PTPRD: variants seen among roughly 807,000 people sequenced by gnomAD.
The protein encoded by PTPRD is protein tyrosine phosphatase receptor type D.
In PTPRD, 34 loss-of-function variants were observed where a neutral mutation model predicts 214.5. The observed-to-expected ratio is 0.16, with a 90% CI of 0.12 to 0.21. The LOEUF (loss-of-function observed/expected upper bound fraction) is 0.21. PTPRD is among the 10% of genes least tolerant of loss of function. The probability of loss-of-function intolerance (pLI) is 1.00; values close to 1 mark genes in which losing one functional copy is unlikely to be tolerated. For synonymous variants in PTPRD, 1,128 were observed against 845.7 expected, an observed-to-expected ratio of 1.33 and a Z score of -5.79; for missense variants, 2,545 against 2,398.7, an observed-to-expected ratio of 1.06 and a Z score of -1.27.
chr9:8,914,368 T>G (rs1373071832), intron 11 of PTPRD, among the ~76,000 whole-genome samples: 1 of 152,140 alleles, frequency 6.6e-6, no homozygotes, highest in Non-Finnish European at 1.5e-5. Flanking sequence ...TTTGTTCTGT[T>G]TTGCCATTTG....
chr9:9,396,251 C>T lies in PTPRD; in HGVS notation c.-203+1198G>A, dbSNP rs116652683. Among the ~76,000 whole-genome samples, 916 of 151,994 alleles carry T rather than the reference C, an allele frequency of 6.0e-3. 10 individuals carry two copies. The highest frequency in any genetic ancestry group is 0.021 in the African/African-American group (863 of 41,490). ...TCTTGATTGAAGTCCCTTGGGGAGCCGTCAAAGGAACAGAGTTATTTATAT... is the reference window on the plus strand; with the variant it reads ...TCTTGATTGAAGTCCCTTGGGGAGCTGTCAAAGGAACAGAGTTATTTATAT... On this transcript the variant is annotated intron_variant, in intron 9 of 45. Transcript: ENST00000381196.
chr9:10,538,182 A>G (rs1014837118), intron 2 of PTPRD, among the ~76,000 whole-genome samples: 4 of 151,766 alleles, frequency 2.6e-5, no homozygotes, highest in Non-Finnish European at 4.4e-5. Context: ...TGTTTGGCTT[A>G]TCCATCCTTG....
At position 9,280,581 on chromosome 9, in the gene PTPRD, A is replaced by G. The variant is rs993400764; in HGVS notation, c.-202-97218T>C. Among the ~76,000 whole-genome samples the G allele has an allele frequency of 4.0e-5, 6 of 151,456 alleles. No homozygotes were observed. The East Asian group carries it at 1.2e-3, about 30-fold the overall frequency. On this transcript the variant is annotated intron_variant, in intron 9 of 45. Coordinates refer to ENST00000381196, the MANE Select transcript of PTPRD (RefSeq NM_002839.4). Reference sequence around the variant, plus strand: ...AGCATAAATCTAACAAAATATGTATAAGATCCATATCAGGAAAACTATAAA... The same window carrying G: ...AGCATAAATCTAACAAAATATGTATGAGATCCATATCAGGAAAACTATAAA...
At chr9:9,949,541 C>T (rs1371037224) in intron 4 of PTPRD, among the ~76,000 whole-genome samples, 1 of 152,018 alleles carries the variant, frequency 6.6e-6, no homozygotes, top group Non-Finnish European at 1.5e-5. Flanking sequence ...TTTATTTTCC[C>T]AGGGATAATG....
At chr9:9,796,340 C>T (rs2099002281) in intron 5 of PTPRD, among the ~76,000 whole-genome samples, 1 of 151,988 alleles carries the variant, frequency 6.6e-6, no homozygotes, top group Non-Finnish European at 1.5e-5. Context: ...GAAAAGGATT[C>T]AAGGTTTGCA....
intron 5 of PTPRD, among the ~76,000 whole-genome samples, chr9:9,902,688 G>A (rs1020993354): frequency 6.6e-6 from 1 of 152,184 alleles, no homozygotes; most frequent in Admixed American, 6.6e-5. Context: ...AAAATCATGG[G>A]GTGATGATGA....
chr9:8,748,554 A>G (rs1240545638), intron 11 of PTPRD, among the ~76,000 whole-genome samples: 1 of 151,122 alleles, frequency 6.6e-6, no homozygotes, highest in Non-Finnish European at 1.5e-5. Context: ...AAAGAAAAAG[A>G]AAAAGAAAAT....
At chr9:10,062,668 T>C (rs2097795615) in intron 3 of PTPRD, among the ~76,000 whole-genome samples, 1 of 151,956 alleles carries the variant, frequency 6.6e-6, no homozygotes, top group Non-Finnish European at 1.5e-5. Flanking sequence ...AAGTAGCCGA[T>C]AGCACTTAGG....
At chr9:10,047,475 A>G (rs2097428002) in intron 3 of PTPRD, among the ~76,000 whole-genome samples, 1 of 151,976 alleles carries the variant, frequency 6.6e-6, no homozygotes, top group African/African-American at 2.4e-5. Flanking sequence ...AAAATTCTGA[A>G]GAGCAAATCA....
intron 4 of PTPRD, among the ~76,000 whole-genome samples, chr9:9,944,326 T>C: frequency 6.6e-6 from 1 of 152,160 alleles, no homozygotes; most frequent in East Asian, 1.9e-4. Flanking sequence ...AGCTGACAAC[T>C]CGATACAACA....
At chr9:9,223,628 C>T (rs1046317541) in intron 9 of PTPRD, among the ~76,000 whole-genome samples, 4 of 151,918 alleles carry the variant, frequency 2.6e-5, no homozygotes, top group African/African-American at 9.7e-5. Context: ...GAACATCTCT[C>T]TATGAAAGTA....
intron 7 of PTPRD, among the ~76,000 whole-genome samples, chr9:9,662,968 C>T (rs371080405): frequency 4.0e-5 from 6 of 151,436 alleles, no homozygotes; most frequent in African/African-American, 9.7e-5. Flanking sequence ...CAGTTGGGCT[C>T]ACTATTTTTC....
chr9:10,565,834 A>C (rs2065428034), intron 2 of PTPRD, among the ~76,000 whole-genome samples: 1 of 151,942 alleles, frequency 6.6e-6, no homozygotes, highest in Admixed American at 6.6e-5. Flanking sequence ...AATACAATAC[A>C]TATACATGCA....
At chr9:9,645,541 C>A (rs1428579408) in intron 7 of PTPRD, among the ~76,000 whole-genome samples, 3 of 150,830 alleles carry the variant, frequency 2.0e-5, no homozygotes, top group African/African-American at 7.3e-5. Flanking sequence ...AACTTCTCAG[C>A]ATTCTAGCTT....
chr9:9,235,754 T>C (rs903510671), intron 9 of PTPRD, among the ~76,000 whole-genome samples: 5 of 152,208 alleles, frequency 3.3e-5, no homozygotes, highest in African/African-American at 9.6e-5. Flanking sequence ...TTGTCAAGAA[T>C]GTAAAGTAAA....
intron 12 of PTPRD, among the ~76,000 whole-genome samples, chr9:8,683,719 T>G (rs73425489): frequency 7.2e-5 from 11 of 152,146 alleles, no homozygotes; most frequent in African/African-American, 2.2e-4. Context: ...GCACTGGCCA[T>G]AGAGTATGCT....
intron 7 of PTPRD, among the ~76,000 whole-genome samples, chr9:9,724,989 C>G (rs1461671654): frequency 6.6e-6 from 1 of 152,168 alleles, no homozygotes; most frequent in Non-Finnish European, 1.5e-5. Context: ...TCCCTTCCTG[C>G]ATTCCCTACT....
chr9:10,240,609 G>T (rs756896192), intron 3 of PTPRD, among the ~76,000 whole-genome samples: 4 of 151,872 alleles, frequency 2.6e-5, no homozygotes, highest in Non-Finnish European at 4.4e-5. Flanking sequence ...ATTTTAAGAA[G>T]TGTATAAAAA....
At chr9:10,023,113 G>C (rs1337975370) in intron 4 of PTPRD, among the ~76,000 whole-genome samples, 1 of 151,630 alleles carries the variant, frequency 6.6e-6, no homozygotes, top group Non-Finnish European at 1.5e-5. Flanking sequence ...TTGACACATT[G>C]ATTATAAGCA....
Sources: gnomAD v4.1 joint callset for allele counts (sites outside exome capture counted in the v4.1 genomes callset) on GRCh38, gnomAD v4.1.1 for gene constraint, MANE v1.5 for transcripts, NCBI Gene and HGNC (gene_info 2026-07-23, HGNC 2026-07-21) for gene names.